PTPRN2: variants seen among roughly 807,000 people sequenced by gnomAD.
The protein encoded by PTPRN2 is receptor-type tyrosine-protein phosphatase N2.
Under a neutral mutation model 118.8 loss-of-function variants are expected in PTPRN2, and 74 were observed. The observed-to-expected ratio is 0.62, with a 90% CI of 0.52 to 0.76. The LOEUF (loss-of-function observed/expected upper bound fraction) is 0.76, where lower values mean the gene tolerates loss of function less well. PTPRN2 is among the 30% of genes least tolerant of loss of function. The pLI, the probability that PTPRN2 is intolerant of heterozygous loss-of-function variation, is 0.00. For synonymous variants in PTPRN2, 641 were observed against 608.0 expected, an observed-to-expected ratio of 1.05 and a Z score of -0.80; for missense variants, 1,481 against 1,394.4, an observed-to-expected ratio of 1.06 and a Z score of -0.99.
At chr7:158,184,606 G>A (rs1245774689) in intron 5 of PTPRN2, among the ~76,000 whole-genome samples, 1 of 152,158 alleles carries the variant, frequency 6.6e-6, no homozygotes, top group East Asian at 1.9e-4. Flanking sequence ...GAGGTCAGGA[G>A]TTCAAGACCA....
At chr7:158,266,063 C>G (rs75081900) in intron 3 of PTPRN2, among the ~76,000 whole-genome samples, 1 of 128,854 alleles carries the variant, frequency 7.8e-6, no homozygotes, top group Non-Finnish European at 1.7e-5. Context: ...CTGGGGACGG[C>G]GTCTGCTGCG....
rs548648937 is a variant in PTPRN2 at position 157,759,537 on chromosome 7, T to TAAAG, written c.1789-76604_1789-76601dup. 1.8e-4 allele frequency among the ~76,000 whole-genome samples: 27 copies of TAAAG among 152,330 alleles called. No homozygotes were observed. The South Asian group carries it at 5.6e-3, about 32-fold the overall frequency. ...TAAAGTTGAATTTAAAGCCAGACTT[T>TAAAG]AAAGAATGAACTGCTGTCTTTTCAA... On this transcript the variant is annotated intron_variant, in intron 12 of 22. Transcript: ENST00000389418.
intron 1 of PTPRN2, among the ~76,000 whole-genome samples, chr7:158,550,585 G>A (rs1027381922): frequency 1.3e-5 from 2 of 152,212 alleles, no homozygotes; most frequent in African/African-American, 2.4e-5. Context: ...GAGGCTCCCC[G>A]GGACTCAGCC....
intron 11 of PTPRN2, among the ~76,000 whole-genome samples, chr7:157,916,841 G>A (rs556431312): frequency 1.5e-5 from 2 of 137,206 alleles, no homozygotes; most frequent in Admixed American, 1.4e-4. Context: ...CACGCACCCC[G>A]GCCACTCCAG....
chr7:158,340,090 G>A (rs75809218), intron 2 of PTPRN2, among the ~76,000 whole-genome samples: 2 of 57,728 alleles, frequency 3.5e-5, no homozygotes, highest in East Asian at 6.1e-4. Flanking sequence ...ACCTGCAGAC[G>A]TCACTCACAC....
Position 157,550,633 on chromosome 7 carries a change from T to C in PTPRN2, c.2903-1614A>G, listed in dbSNP as rs1380109933. The stretch of plus-strand genomic sequence containing the variant: ...ATGGGAGCCACTGTCGGGGCTAAGC[T>C]GGCCGTCCCTCCAGCTCCCATCCCC... On this transcript the variant is annotated intron_variant, in intron 21 of 22. Coordinates refer to ENST00000389418, the MANE Select transcript of PTPRN2 (RefSeq NM_002847.5). This position sits in a 1 kb window ranked among gnomAD's most constrained non-coding sequence, Gnocchi z 5.2. 6.6e-6 allele frequency among the ~76,000 whole-genome samples: 1 copy of C among 152,198 alleles called. No homozygotes were observed. Among genetic ancestry groups the C allele is most frequent in the Non-Finnish European group, 1.5e-5 (1 of 68,038 alleles).
In PTPRN2 at chr7:157,816,878, C is replaced by A. The variant is rs2151129815; in HGVS notation, c.1788+81795G>T. Among the ~76,000 whole-genome samples, 3 of 152,360 alleles carry A rather than the reference C, an allele frequency of 2.0e-5. No homozygotes were observed. In the Middle Eastern group the frequency reaches 0.01, roughly 518 times the overall value. The stretch of plus-strand genomic sequence containing the variant: ...CCCCCTCCCTTTCTCCTCCTCTTTT[C>A]TCTTTACTCAGGAATATCCCATCTT... On this transcript the variant is annotated intron_variant, in intron 12 of 22. Transcript: ENST00000389418.
Position 157,813,515 on chromosome 7 carries a change from G to C in PTPRN2, c.1788+85158C>G, listed in dbSNP as rs1806189191. 6.6e-6 allele frequency among the ~76,000 whole-genome samples: 1 copy of C among 152,214 alleles called. No individual in the cohort carries two copies. On this transcript the variant is annotated intron_variant, in intron 12 of 22. Transcript: ENST00000389418. This position sits in a 1 kb window ranked among gnomAD's most constrained non-coding sequence, Gnocchi z 4.7. Reference sequence around the variant, plus strand: ...TCTAACAATTTGTTAAACTTTGTTAGTGTACAAAATGTGGTGATCCTACTC... The same window carrying C: ...TCTAACAATTTGTTAAACTTTGTTACTGTACAAAATGTGGTGATCCTACTC...
chr7:157,604,284 C>T (rs761278948), intron 15 of PTPRN2, among the ~76,000 whole-genome samples: 53 of 152,346 alleles, frequency 3.5e-4, no homozygotes, highest in Admixed American at 1.3e-3. Flanking sequence ...AGGGCCCACC[C>T]GCATCCTCTC....
chr7:157,889,104 T>C (rs755942825), intron 12 of PTPRN2, among the ~76,000 whole-genome samples: 27 of 152,272 alleles, frequency 1.8e-4, no homozygotes, highest in Non-Finnish European at 3.5e-4. Flanking sequence ...AAAACTCACT[T>C]GCAATTCCAC....
intron 12 of PTPRN2, among the ~76,000 whole-genome samples, chr7:157,709,155 G>A (rs1798475775): frequency 1.3e-5 from 2 of 152,292 alleles, no homozygotes; most frequent in Non-Finnish European, 2.9e-5. Context: ...CCATGGCTGG[G>A]TGGGATTTTA....
At chr7:157,775,863 G>A (rs1585432365) in intron 12 of PTPRN2, among the ~76,000 whole-genome samples, 1 of 152,082 alleles carries the variant, frequency 6.6e-6, no homozygotes, top group South Asian at 2.1e-4. Flanking sequence ...AGTTGTTTGA[G>A]CCGTTTCTGT....
At chr7:158,329,772 G>A (rs539032011) in intron 2 of PTPRN2, among the ~76,000 whole-genome samples, 40 of 152,244 alleles carry the variant, frequency 2.6e-4, no homozygotes, top group African/African-American at 8.4e-4. Context: ...GTTGGCCTGG[G>A]AGTCGCAACC....
intron 11 of PTPRN2, among the ~76,000 whole-genome samples, chr7:157,989,683 C>T (rs1411437989): frequency 5.4e-5 from 8 of 148,982 alleles, no homozygotes; most frequent in Non-Finnish European, 3.0e-5. Context: ...GGGGAGGCAG[C>T]GGGGGCGGGT....
intron 12 of PTPRN2, among the ~76,000 whole-genome samples, chr7:157,837,329 AC>A (rs1808044018): frequency 6.7e-6 from 1 of 148,874 alleles, no homozygotes; most frequent in Non-Finnish European, 1.5e-5. Flanking sequence ...CCCTCCATCT[AC>A]CCACCCACCC....
Position 157,594,824 on chromosome 7 carries a change from C to T in PTPRN2, c.2496+414G>A, listed in dbSNP as rs74681962. On this transcript the variant is annotated intron_variant, in intron 17 of 22. Transcript: ENST00000389418. ...TGGGCTTGCGTCGAGTAGAGAAGCA[C>T]GGCCTGGCCTTCAGATGCCCTACAG... Among the ~76,000 whole-genome samples the T allele has an allele frequency of 7.2e-3, 1,094 of 152,298 alleles. 7 individuals are homozygous for T. The highest frequency in any genetic ancestry group is 0.01 in the Middle Eastern group (3 of 294).
chr7:158,533,635 T>C lies in PTPRN2; in HGVS notation c.113-43850A>G, dbSNP rs375997850. Among the ~76,000 whole-genome samples, 9 of 152,296 alleles carry C rather than the reference T, an allele frequency of 5.9e-5. No homozygotes were observed. In the East Asian group the frequency reaches 1.5e-3, roughly 26 times the overall value. On this transcript the variant is annotated intron_variant, in intron 1 of 22. Coordinates refer to ENST00000389418, the MANE Select transcript of PTPRN2 (RefSeq NM_002847.5). The stretch of plus-strand genomic sequence containing the variant: ...ACCGTCCTGACCCCAGCCCTCTGCA[T>C]TGCACCAGGTGGACACCACAGAAGC...
At chr7:157,839,547 C>CTGTG (rs935045385) in intron 12 of PTPRN2, among the ~76,000 whole-genome samples, 89 of 150,608 alleles carry the variant, frequency 5.9e-4, no homozygotes, top group African/African-American at 2.2e-3. Context: ...CTCTGTGTGT[C>CTGTG]TGTGTGTGTG....
rs76798161 is a variant in PTPRN2, at chr7:157,934,488, C to T, written c.1724-35751G>A. ...AGTCAACTGGCACATCGGCTCACCT[C>T]GATAGCATTTGCACATTTGACTGGA... On this transcript the variant is annotated intron_variant, in intron 11 of 22. Coordinates refer to ENST00000389418, the MANE Select transcript of PTPRN2 (RefSeq NM_002847.5). Among the ~76,000 whole-genome samples, 1,027 of 152,278 alleles carry T rather than the reference C, an allele frequency of 6.7e-3. 14 individuals carry two copies. Among genetic ancestry groups the T allele is most frequent in the African/African-American group, 0.024 (982 of 41,542 alleles).
Sources: allele counts gnomAD v4.1 joint callset (sites outside exome capture counted in the v4.1 genomes callset), GRCh38; gene constraint gnomAD v4.1.1; non-coding constraint Gnocchi (gnomAD v3.1); transcripts MANE v1.5; gene names NCBI Gene and HGNC (gene_info 2026-07-23, HGNC 2026-07-21).